KIF21A: variants seen among roughly 807,000 people sequenced by gnomAD.
KIF21A encodes the protein kinesin-like protein KIF21A.
In KIF21A, 114 loss-of-function variants were observed where a neutral mutation model predicts 202.9. That is an observed-to-expected ratio of 0.56 (90% CI 0.48 to 0.66). The LOEUF (loss-of-function observed/expected upper bound fraction) is 0.66. Among genes scored for constraint, KIF21A ranks in the 30% least tolerant of loss-of-function variants. The pLI is 0.00. For missense variants in KIF21A, 1,677 were observed against 1,994.9 expected (o/e 0.84, Z 3.04); for synonymous variants, 667 against 670.8 (o/e 0.99, Z 0.09).
rs544300900 is a variant in KIF21A, at chr12:39,409,309, CAGG to C, written c.44+33615_44+33617del. On this transcript the variant is annotated intron_variant, in intron 1 of 37. Coordinates refer to ENST00000361418, the MANE Select transcript of KIF21A (RefSeq NM_001173464.2). ...CTGAGTTGGGAGGATTGCTTGAGCC[CAGG>C]AGTTCAAGACCAGCCTAGGCAATAT... Among the ~76,000 whole-genome samples the C allele has an allele frequency of 6.0e-3, 903 of 150,634 alleles. 4 individuals carry two copies. Among genetic ancestry groups the C allele is most frequent in the African/African-American group, 0.021 (850 of 40,978 alleles).
chr12:39,396,616 T>G (rs1034908721), intron 1 of KIF21A, among the ~76,000 whole-genome samples: 2 of 152,166 alleles, frequency 1.3e-5, no homozygotes, highest in African/African-American at 4.8e-5. Context: ...TAATAGAAAT[T>G]GAGGGGGCCT....
chr12:39,381,886 G>A (rs1950639636), intron 1 of KIF21A, among the ~76,000 whole-genome samples: 1 of 152,156 alleles, frequency 6.6e-6, no homozygotes, highest in Admixed American at 6.5e-5. Context: ...GGTGAAGCAT[G>A]AGACATATTT....
chr12:39,318,132 T>C lies in KIF21A; in HGVS notation c.3849A>G (p.Glu1283=). 1.9e-6 allele frequency: 3 copies of C among 1,613,690 alleles called. No homozygotes were observed. Among genetic ancestry groups the C allele is most frequent in the South Asian group, 1.1e-5 (1 of 91,076 alleles). ...PSSPPSRPRN[E]LNVFNRLTVS... ...CAGTAAGACGATTAAAAACATTCAG[T>C]TCATTACGGGGCCGGCTTGGTGGGG... The change falls in exon 29 of 38, where the codon GAA becomes GAG. Residue 1283 remains glutamate (E), a synonymous_variant. Coordinates refer to ENST00000361418, the MANE Select transcript of KIF21A (RefSeq NM_001173464.2).
chr12:39,335,395 AG>A (rs1946874647), intron 17 of KIF21A, among the ~76,000 whole-genome samples: 1 of 147,822 alleles, frequency 6.8e-6, no homozygotes, highest in Non-Finnish European at 1.5e-5. Context: ...TGGGCGACAA[AG>A]TAAGACTCTG....
intron 1 of KIF21A, among the ~76,000 whole-genome samples, chr12:39,407,082 T>G (rs1370405443): frequency 6.6e-6 from 1 of 152,190 alleles, no homozygotes; most frequent in Non-Finnish European, 1.5e-5. Flanking sequence ...GATTTCCCAC[T>G]TATTTGAAAT....
Position 39,300,838 on chromosome 12 carries a change from C to T in KIF21A, c.4931+642G>A, listed in dbSNP as rs554516319. On this transcript the variant is annotated intron_variant, in intron 37 of 37. Coordinates refer to ENST00000361418, the MANE Select transcript of KIF21A (RefSeq NM_001173464.2). ...TTTTGTAACCCTGCCCTAGGAAAATCCCATCCCCTTTCTCTCTTTTCTTTT... is the reference window on the plus strand; with the variant it reads ...TTTTGTAACCCTGCCCTAGGAAAATTCCATCCCCTTTCTCTCTTTTCTTTT... Among the ~76,000 whole-genome samples, 6 of 152,248 alleles carry T rather than the reference C, an allele frequency of 3.9e-5. No homozygotes were observed. In the East Asian group the frequency reaches 1.2e-3, roughly 29 times the overall value.
Position 39,308,948 on chromosome 12 carries a change from A to T in KIF21A, c.4277+638T>A, listed in dbSNP as rs564601366. On this transcript the variant is annotated intron_variant, in intron 33 of 37. Transcript: ENST00000361418. Reference sequence around the variant, plus strand: ...TCTTATGCTCCCTTCTCTCATTTAAATGACTACCGAGTTTACGTCAATTTT... The same window carrying T: ...TCTTATGCTCCCTTCTCTCATTTAATTGACTACCGAGTTTACGTCAATTTT... Among the ~76,000 whole-genome samples the T allele has an allele frequency of 1.4e-4, 22 of 152,336 alleles. No homozygotes were observed. In the South Asian group the frequency reaches 4.3e-3, roughly 30 times the overall value.
chr12:39,310,679 C>T (rs1443680201), intron 32 of KIF21A, among the ~76,000 whole-genome samples: 1 of 152,036 alleles, frequency 6.6e-6, no homozygotes, highest in African/African-American at 2.4e-5. Flanking sequence ...ATATCCAAAC[C>T]ATCCTATACG....
intron 1 of KIF21A, among the ~76,000 whole-genome samples, chr12:39,394,032 C>T (rs757043892): frequency 5.9e-5 from 9 of 152,166 alleles, no homozygotes; most frequent in Non-Finnish European, 1.0e-4. Context: ...AGGCATATTC[C>T]GGAACTCAAG....
chr12:39,348,139 A>G (rs1316250940), intron 11 of KIF21A, among the ~76,000 whole-genome samples: 1 of 152,050 alleles, frequency 6.6e-6, no homozygotes, highest in Non-Finnish European at 1.5e-5. Flanking sequence ...CTTTTTAAAA[A>G]CCATTCCAAT....
chr12:39,409,619 T>C (rs1213064998), intron 1 of KIF21A, among the ~76,000 whole-genome samples: 1 of 151,930 alleles, frequency 6.6e-6, no homozygotes, highest in Non-Finnish European at 1.5e-5. Flanking sequence ...ATCTATCATC[T>C]CATCCCAGCC....
At chr12:39,357,999 T>G (rs1948926119) in intron 8 of KIF21A, among the ~76,000 whole-genome samples, 179 bp downstream of exon 8, 1 of 140,524 alleles carries the variant, frequency 7.1e-6, no homozygotes, top group Non-Finnish European at 1.5e-5. Context: ...TAAGTTAGAC[T>G]GAACATAGTT....
At chr12:39,392,908 TA>T (rs1951476637) in intron 1 of KIF21A, among the ~76,000 whole-genome samples, 1 of 145,024 alleles carries the variant, frequency 6.9e-6, no homozygotes, top group East Asian at 2.0e-4. Flanking sequence ...AAAAAGATAA[TA>T]AAATAAAATA....
chr12:39,364,519 G>T (rs1334289155), intron 6 of KIF21A, among the ~76,000 whole-genome samples: 1 of 152,210 alleles, frequency 6.6e-6, no homozygotes, highest in Non-Finnish European at 1.5e-5. Flanking sequence ...ATCAAGATGA[G>T]TATTGGAGTT....
intron 16 of KIF21A, among the ~76,000 whole-genome samples, chr12:39,337,947 G>C (rs1345067648): frequency 6.6e-6 from 1 of 151,950 alleles, no homozygotes; most frequent in Non-Finnish European, 1.5e-5. Context: ...ACCTGATAAG[G>C]ATAATAAATG....
intron 1 of KIF21A, among the ~76,000 whole-genome samples, chr12:39,400,815 A>G (rs1952115831): frequency 1.3e-5 from 2 of 152,196 alleles, no homozygotes; most frequent in Non-Finnish European, 2.9e-5. Flanking sequence ...AAAAAGAGAC[A>G]TGTACTGCCA....
At chr12:39,435,950 T>C (rs1938623423) in intron 1 of KIF21A, among the ~76,000 whole-genome samples, 1 of 152,212 alleles carries the variant, frequency 6.6e-6, no homozygotes, top group African/African-American at 2.4e-5. Context: ...AACTCAGTTC[T>C]GGCATTTCTT....
At chr12:39,307,384 A>C (rs1316590403) in intron 34 of KIF21A, among the ~76,000 whole-genome samples, 181 bp downstream of exon 34, 2 of 152,176 alleles carry the variant, frequency 1.3e-5, no homozygotes, top group Non-Finnish European at 2.9e-5. Flanking sequence ...AAAAGAGAAA[A>C]TTGTCAGTTT....
At chr12:39,322,997 C>A in intron 26 of KIF21A, 115 bp from the exon 27 acceptor site, 1 of 759,500 alleles carries the variant, frequency 1.3e-6, no homozygotes. Context: ...GTGTCTTTTC[C>A]TAGGTGTGCC....
Sources: gnomAD v4.1 joint callset for allele counts (sites outside exome capture counted in the v4.1 genomes callset) on GRCh38, gnomAD v4.1.1 for gene constraint, MANE v1.5 for transcripts, NCBI Gene and HGNC (gene_info 2026-07-23, HGNC 2026-07-21) for gene names.